The following VWA8 variants were observed in gnomAD, a reference collection of about 807,000 sequenced individuals.
The protein encoded by VWA8 is von Willebrand factor A domain-containing protein 8.
In VWA8, 221 loss-of-function variants were observed where a neutral mutation model predicts 241.5. The observed-to-expected ratio is 0.91, with a 90% CI of 0.82 to 1.02. The LOEUF (loss-of-function observed/expected upper bound fraction) is 1.02. VWA8 is among the 50% of genes least tolerant of loss of function. The pLI, the probability that VWA8 is intolerant of heterozygous loss-of-function variation, is 0.00. For synonymous variants in VWA8, 852 were observed against 827.1 expected (o/e 1.03, Z -0.52); for missense variants, 2,322 against 2,328.7 (o/e 1.00, Z 0.06).
intron 12 of VWA8, among the ~76,000 whole-genome samples, chr13:41,856,892 A>G (rs1872775055): frequency 6.6e-6 from 1 of 151,914 alleles, no homozygotes; most frequent in African/African-American, 2.4e-5. Flanking sequence ...TTATAATAGC[A>G]TCTCCCAATT....
chr13:41,729,407 G>T, intron 23 of VWA8, 135 bp downstream of exon 23: 2 of 829,126 alleles, frequency 2.4e-6, no homozygotes, highest in Non-Finnish European at 3.5e-6. Context: ...ATAAATGATT[G>T]TCAATACAGG....
chr13:41,869,082 AT>A (rs1392975318), intron 9 of VWA8, among the ~76,000 whole-genome samples: 2 of 152,120 alleles, frequency 1.3e-5, no homozygotes, highest in African/African-American at 4.8e-5. Flanking sequence ...CATAGTTTAC[AT>A]TTCTTGACAA....
At chr13:41,655,588 TTA>T (rs2044899042) in intron 37 of VWA8, among the ~76,000 whole-genome samples, 1 of 152,006 alleles carries the variant, frequency 6.6e-6, no homozygotes, top group Non-Finnish European at 1.5e-5. Flanking sequence ...GGGACAGAAA[TTA>T]TAGAGTTTGG....
At chr13:41,869,820 A>T (rs896315921) in intron 9 of VWA8, among the ~76,000 whole-genome samples, 2 of 152,130 alleles carry the variant, frequency 1.3e-5, no homozygotes, top group Non-Finnish European at 2.9e-5. Flanking sequence ...TGCCTTATTT[A>T]TAACAGCATG....
chr13:41,949,954 G>T lies in VWA8; in HGVS notation c.223C>A (p.Leu75Ile). The T allele has an allele frequency of 6.3e-7, 1 of 1,590,918 alleles. No individual in the cohort carries two copies. Among genetic ancestry groups the T allele is most frequent in the African/African-American group, 1.3e-5 (1 of 74,158 alleles). Reference sequence around the variant, plus strand: ...TTCTTACTGTAGTTCTGTGGCACAAGTTCTGGATTCTTAGGAATTTTCAAC... The same window carrying T: ...TTCTTACTGTAGTTCTGTGGCACAATTTCTGGATTCTTAGGAATTTTCAAC... Reference protein sequence around the residue: ...YKLKIPKNPELVPQNYISDSL... With the variant: ...YKLKIPKNPEIVPQNYISDSL... Residue 75 changes from leucine (L) to isoleucine (I), a missense_variant, in exon 2 of 45, where the codon CTT (leucine) becomes ATT (isoleucine). Leu to Ile is a conservative substitution (Grantham distance 5, BLOSUM62 2). Transcript: ENST00000379310.
At chr13:41,824,841 A>T (rs1428746473) in intron 14 of VWA8, among the ~76,000 whole-genome samples, 1 of 151,474 alleles carries the variant, frequency 6.6e-6, no homozygotes, top group African/African-American at 2.4e-5. Context: ...AGAAAAAGAA[A>T]AAAAAAAGAA....
intron 21 of VWA8, among the ~76,000 whole-genome samples, chr13:41,755,530 T>C (rs1180483510): frequency 6.6e-6 from 1 of 151,960 alleles, no homozygotes; most frequent in Non-Finnish European, 1.5e-5. Context: ...ATTTTTTTCA[T>C]AGATAACATA....
At chr13:41,806,369 A>T (rs1870209682) in intron 17 of VWA8, among the ~76,000 whole-genome samples, 1 of 152,214 alleles carries the variant, frequency 6.6e-6, no homozygotes, top group Non-Finnish European at 1.5e-5. Flanking sequence ...GAAAAGAGAT[A>T]ATAAACATCA....
chr13:41,677,686 C>G (rs965391506), intron 35 of VWA8, among the ~76,000 whole-genome samples: 1 of 152,036 alleles, frequency 6.6e-6, no homozygotes, highest in Admixed American at 6.6e-5. Flanking sequence ...AAAAAACTCC[C>G]CAACACAAAA....
intron 43 of VWA8, among the ~76,000 whole-genome samples, chr13:41,572,797 TAAAAAA>T (rs869088660): frequency 2.4e-4 from 16 of 67,786 alleles, no homozygotes; most frequent in African/African-American, 5.1e-4. Context: ...CAATAAATAC[TAAAAAA>T]AAAAAAAAAA....
intron 12 of VWA8, among the ~76,000 whole-genome samples, chr13:41,861,932 A>G (rs935250419): frequency 6.6e-6 from 1 of 152,232 alleles, no homozygotes; most frequent in Non-Finnish European, 1.5e-5. Flanking sequence ...TTTTCACAGA[A>G]TTAGAAAAAA....
In VWA8 at chr13:41,830,618, G is replaced by A. The variant is rs145835358; in HGVS notation, c.1611C>T (p.Ser537=). Residue 537 remains serine, a synonymous_variant, in exon 14 of 45, where the codon AGC becomes AGT. Transcript: ENST00000379310. ...TCAGCAGCCTAGAACCATCATAGAG[G>A]CTTAGCTCTCGATCATGGATTAACC... ...LQRLIHDREL[S]LYDGSRLLRE... is the part of the protein sequence containing the mutation. 1 of 1,613,572 alleles carries A rather than the reference G, an allele frequency of 6.2e-7. No homozygotes were observed. Among genetic ancestry groups the A allele is most frequent in the Non-Finnish European group, 8.5e-7 (1 of 1,179,730 alleles).
intron 29 of VWA8, among the ~76,000 whole-genome samples, chr13:41,694,380 A>T (rs1420456528): frequency 2.0e-5 from 3 of 152,018 alleles, no homozygotes; most frequent in Non-Finnish European, 4.4e-5. Flanking sequence ...AACCAAGCTT[A>T]AATTTCTTTC....
chr13:41,848,121 T>C (rs1317878965), intron 12 of VWA8, among the ~76,000 whole-genome samples: 2 of 152,208 alleles, frequency 1.3e-5, no homozygotes, highest in African/African-American at 2.4e-5. Context: ...AAATGTGCCA[T>C]GTTCCAGTAC....
chr13:41,778,422 A>G (rs1868717465), intron 19 of VWA8, among the ~76,000 whole-genome samples: 2 of 152,168 alleles, frequency 1.3e-5, no homozygotes, highest in African/African-American at 4.8e-5. Flanking sequence ...AAATAACTGT[A>G]CACTTCTAGG....
chr13:41,570,720 A>C lies in VWA8; in HGVS notation c.5371-14T>G, dbSNP rs1450509711. ...GGCATGCATTGTCTGGAGGTAAAAGAAGTTGCACAAAAGCCATGGCTGAGA... is the reference window on the plus strand; with the variant it reads ...GGCATGCATTGTCTGGAGGTAAAAGCAGTTGCACAAAAGCCATGGCTGAGA... On this transcript the variant is annotated splice_polypyrimidine_tract_variant and intron_variant, in intron 43 of 44. Transcript: ENST00000379310. 4.4e-6 allele frequency: 7 copies of C among 1,603,082 alleles called. No individual in the cohort carries two copies. The South Asian group carries it at 6.7e-5, about 15-fold the overall frequency.
At chr13:41,886,136 A>C (rs1874523191) in intron 7 of VWA8, 108 bp from the exon 8 acceptor site, 1 of 747,668 alleles carries the variant, frequency 1.3e-6, no homozygotes, top group East Asian at 2.9e-5. Flanking sequence ...AAGATCCCTA[A>C]TATTAATTCT....
intron 22 of VWA8, among the ~76,000 whole-genome samples, chr13:41,731,875 G>A (rs763764208): frequency 1.3e-5 from 2 of 152,098 alleles, no homozygotes; most frequent in Non-Finnish European, 2.9e-5. Context: ...ACCTTCCACC[G>A]TGATGGTGAG....
At chr13:41,592,851 TC>T (rs1566379848) in intron 40 of VWA8, among the ~76,000 whole-genome samples, 1 of 152,202 alleles carries the variant, frequency 6.6e-6, no homozygotes, top group African/African-American at 2.4e-5. Flanking sequence ...TTTCTTCATC[TC>T]TAAAATGAAG....
Sources: gnomAD v4.1 joint callset for allele counts (sites outside exome capture counted in the v4.1 genomes callset) on GRCh38, gnomAD v4.1.1 for gene constraint, MANE v1.5 for transcripts, NCBI Gene and HGNC (gene_info 2026-07-23, HGNC 2026-07-21) for gene names.